ENKUR: variants seen among roughly 807,000 people sequenced by gnomAD.
The protein encoded by ENKUR is enkurin, TRPC channel interacting protein.
ENKUR carries 19 observed loss-of-function variants against 27.6 expected under a neutral mutation model. That is an observed-to-expected ratio of 0.69 (90% CI 0.48 to 1.01). ENKUR has a LOEUF of 1.01. Ranked by LOEUF, ENKUR falls within the 50% of genes least tolerant of loss-of-function variation. ENKUR has a pLI of 0.00. For missense variants in ENKUR, 312 were observed against 310.5 expected, an observed-to-expected ratio of 1.00 and a Z score of -0.04; for synonymous variants, 117 against 96.9, an observed-to-expected ratio of 1.21 and a Z score of -1.22.
chr10:24,993,976 G>A (rs1849982816), intron 3 of ENKUR, among the ~76,000 whole-genome samples: 1 of 152,098 alleles, frequency 6.6e-6, no homozygotes, highest in Non-Finnish European at 1.5e-5. Context: ...TATCCTGTGG[G>A]ACAACGACTA....
intron 1 of ENKUR, among the ~76,000 whole-genome samples, chr10:25,004,671 G>T (rs773462290): frequency 9.9e-5 from 15 of 152,116 alleles, no homozygotes; most frequent in Non-Finnish European, 1.8e-4. Context: ...TTAGACCTTT[G>T]TCAGATGCAT....
chr10:25,016,124 T>A lies in ENKUR; in HGVS notation c.-188A>T, dbSNP rs977425165. 8.7e-6 allele frequency: 11 copies of A among 1,261,754 alleles called. No homozygotes were observed. The highest frequency in any genetic ancestry group is 8.2e-5 in the Admixed American group (2 of 24,528). The allele number at this position is 1,261,754 out of a possible 1,614,324, so 78.2% of individuals were successfully genotyped here. On this transcript the variant is annotated 5_prime_UTR_variant, in exon 1 of 6. Coordinates refer to ENST00000331161, the MANE Select transcript of ENKUR (RefSeq NM_145010.4). The stretch of plus-strand genomic sequence containing the variant: ...GTCCTCTCTCGGGAAGAAAACACCC[T>A]ATTTCTCTCCGGATTGCTAAGCGTC...
exon 2 of ENKUR, chr10:25,061,182 T>C (rs1851322312): frequency 2.6e-6 from 4 of 1,535,320 alleles, no homozygotes; most frequent in Admixed American, 2.0e-5. Flanking sequence ...AAGAAGTTCA[T>C]AGGTGTTGGA....
Position 24,992,515 on chromosome 10 carries a change from G to A in ENKUR, c.448-1906C>T, listed in dbSNP as rs994875389. Reference sequence around the variant, plus strand: ...TGCCCTGAATTGCTCAGTGTCAGTGGAGGTGACCTCTGCCACTTCTCGATA... The same window carrying A: ...TGCCCTGAATTGCTCAGTGTCAGTGAAGGTGACCTCTGCCACTTCTCGATA... On this transcript the variant is annotated intron_variant, in intron 3 of 5. Coordinates refer to ENST00000331161, the MANE Select transcript of ENKUR (RefSeq NM_145010.4). Among the ~76,000 whole-genome samples, 45 of 152,166 alleles carry A rather than the reference G, an allele frequency of 3.0e-4. 1 individual carries two copies. Among genetic ancestry groups the A allele is most frequent in the Non-Finnish European group, 1.8e-4 (12 of 68,022 alleles).
intron 1 of ENKUR, among the ~76,000 whole-genome samples, chr10:25,010,722 A>G (rs79127116): frequency 0.018 from 1,890 of 107,196 alleles, 21 homozygotes; most frequent in East Asian, 0.043. Flanking sequence ...GTGATAGTTT[A>G]CTGAGAATGA....
At chr10:25,042,446 C>T (rs1851075883) in intron 2 of ENKUR, among the ~76,000 whole-genome samples, 1 of 152,028 alleles carries the variant, frequency 6.6e-6, no homozygotes, top group Non-Finnish European at 1.5e-5. Flanking sequence ...AGGCACCCAC[C>T]ACCACACCCG....
intron 2 of ENKUR, among the ~76,000 whole-genome samples, chr10:25,046,725 A>G (rs946487333): frequency 6.6e-6 from 1 of 152,188 alleles, no homozygotes; most frequent in African/African-American, 2.4e-5. Context: ...GCCTAAAATA[A>G]TCTTGTTTCA....
At chr10:25,027,366 A>AAAAAAAAAC (rs1850874641) in intron 2 of ENKUR, among the ~76,000 whole-genome samples, 1 of 140,576 alleles carries the variant, frequency 7.1e-6, no homozygotes, top group Non-Finnish European at 1.6e-5. Flanking sequence ...TCAAAAAAAA[A>AAAAAAAAAC]AAAAAAAAAA....
chr10:25,024,799 C>G (rs917389718), intron 2 of ENKUR: 2 of 1,613,962 alleles, frequency 1.2e-6, no homozygotes, highest in African/African-American at 2.7e-5. Flanking sequence ...GATGGGAATC[C>G]CGATTCGAAA....
chr10:25,053,822 A>C (rs764617992), intron 2 of ENKUR, among the ~76,000 whole-genome samples: 34 of 152,276 alleles, frequency 2.2e-4, no homozygotes, highest in African/African-American at 7.0e-4. Flanking sequence ...AAAATATTTA[A>C]GACACATGAA....
intron 2 of ENKUR, among the ~76,000 whole-genome samples, chr10:25,027,325 CCAGCCTGGGT>C (rs1452930074): frequency 7.4e-6 from 1 of 134,600 alleles, no homozygotes; most frequent in Non-Finnish European, 1.5e-5. Flanking sequence ...CACTGCCACT[CCAGCCTGGGT>C]GACAGAGCAA....
rs770446679 is a variant in ENKUR, at chr10:24,982,334, T to C, written c.*2036A>G. On this transcript the variant is annotated 3_prime_UTR_variant, in exon 6 of 6. Transcript: ENST00000331161. ...GTGTGCAGATCTCAGAGGTCTCTAG[T>C]ACCTCAGTACTATGGGAATGCCAGT... 6.6e-6 allele frequency: 1 copy of C among 151,590 alleles called. No homozygotes were observed. Among genetic ancestry groups the C allele is most frequent in the African/African-American group, 2.4e-5 (1 of 41,278 alleles). 9.4% of individuals were successfully genotyped at this position (151,590 alleles called of 1,614,324 possible).
At chr10:25,051,757 C>T (rs147226069) in intron 2 of ENKUR, among the ~76,000 whole-genome samples, 6 of 152,296 alleles carry the variant, frequency 3.9e-5, no homozygotes, top group South Asian at 4.1e-4. Flanking sequence ...TATATCAGGT[C>T]CTTTCTCTGA....
chr10:25,012,255 T>C (rs1457255756), intron 1 of ENKUR, among the ~76,000 whole-genome samples: 1 of 152,260 alleles, frequency 6.6e-6, no homozygotes, highest in Non-Finnish European at 1.5e-5. Context: ...GGAGAACCTC[T>C]GCTAGGGCAG....
At chr10:25,060,688 G>A (rs1293951807) in intron 2 of ENKUR, among the ~76,000 whole-genome samples, 11 of 152,030 alleles carry the variant, frequency 7.2e-5, no homozygotes, top group African/African-American at 1.7e-4. Context: ...CAGTGCTAGG[G>A]AAAGATGATG....
chr10:25,003,216 CTGTTGCCCAGGCTGGAGTGCAGTGG>C (rs377539057), intron 1 of ENKUR, among the ~76,000 whole-genome samples: 9 of 151,782 alleles, frequency 5.9e-5, no homozygotes, highest in Non-Finnish European at 7.4e-5. Flanking sequence ...TTTGCCCGCT[CTGTTGCCCAGGCTGGAGTGCAGTGG>C]TGTTGCCCAG....
rs752329040 is a variant in ENKUR at position 25,024,816 on chromosome 10, C to G, written c.38-28947G>C. 1.2e-5 allele frequency: 20 copies of G among 1,614,070 alleles called. No homozygotes were observed. The highest frequency in any genetic ancestry group is 1.5e-5 in the Non-Finnish European group (18 of 1,180,048). On this transcript the variant is annotated intron_variant, in intron 2 of 5. Transcript: ENST00000615958. ...TGGGAATCCCGATTCGAAAATTTAT[C>G]TGTGCCTCTAATCAGAACCATGTTT...
intron 2 of ENKUR, among the ~76,000 whole-genome samples, chr10:25,022,720 AT>A (rs761586011): frequency 6.6e-6 from 1 of 152,204 alleles, no homozygotes; most frequent in Non-Finnish European, 1.5e-5. Flanking sequence ...TATAAAGAAT[AT>A]TGTTCAACTT....
intron 4 of ENKUR, among the ~76,000 whole-genome samples, chr10:24,990,000 C>T (rs1449363484): frequency 1.3e-5 from 2 of 151,996 alleles, no homozygotes; most frequent in East Asian, 3.9e-4. Context: ...AACCTAGCAC[C>T]TGTTTATTTA....
Sources: gnomAD v4.1 joint callset for allele counts (sites outside exome capture counted in the v4.1 genomes callset) on GRCh38, gnomAD v4.1.1 for gene constraint, MANE v1.5 for transcripts, NCBI Gene and HGNC (gene_info 2026-07-23, HGNC 2026-07-21) for gene names.